The following CTPS2 variants were observed in gnomAD, a reference collection of about 807,000 sequenced individuals.
CTPS2 encodes CTP synthase 2.
Under a neutral mutation model 46.8 loss-of-function variants are expected in CTPS2, and 19 were observed. The observed-to-expected ratio is 0.41, with a 90% CI of 0.28 to 0.60. The LOEUF (loss-of-function observed/expected upper bound fraction) is 0.60. Among genes scored for constraint, CTPS2 ranks in the 20% least tolerant of loss-of-function variants. The pLI is 0.35. For missense variants in CTPS2, 286 were observed against 447.6 expected, an observed-to-expected ratio of 0.64 and a Z score of 3.26; for synonymous variants, 151 against 165.2, an observed-to-expected ratio of 0.91 and a Z score of 0.66.
chrX:16,636,825 G>A (rs1931776821), intron 14 of CTPS2, among the ~76,000 whole-genome samples: 1 of 110,802 alleles, frequency 9.0e-6, no homozygotes, highest in African/African-American at 3.3e-5. Flanking sequence ...GCTGAGGCAG[G>A]AGAATGGCGT....
intron 13 of CTPS2, among the ~76,000 whole-genome samples, chrX:16,643,562 A>G (rs1412714347): frequency 1.8e-5 from 2 of 111,560 alleles, no homozygotes; most frequent in African/African-American, 6.5e-5. Context: ...ACTGCTCATT[A>G]GGTTTTCAAG....
chrX:16,612,224 T>C (rs891647874), intron 16 of CTPS2, among the ~76,000 whole-genome samples: 1 of 112,442 alleles, frequency 8.9e-6, no homozygotes, highest in South Asian at 3.7e-4. Flanking sequence ...TCTGACATTA[T>C]ATAATATTAA....
At chrX:16,677,071 A>C (rs1170026681) in intron 10 of CTPS2, among the ~76,000 whole-genome samples, 1 of 109,033 alleles carries the variant, frequency 9.2e-6, no homozygotes, top group African/African-American at 3.3e-5. Context: ...AAAAAAAAAA[A>C]AAAAAAACAA....
chrX:16,700,945 G>A (rs776255631), intron 2 of CTPS2, among the ~76,000 whole-genome samples: 1 of 111,790 alleles, frequency 8.9e-6, no homozygotes, highest in Non-Finnish European at 1.9e-5. Context: ...TGACCAACCT[G>A]CTTGGTTTGC....
chrX:16,656,756 G>C (rs926394074), intron 13 of CTPS2, among the ~76,000 whole-genome samples: 1 of 111,619 alleles, frequency 9.0e-6, no homozygotes, highest in Non-Finnish European at 1.9e-5. Flanking sequence ...TACTGAAGGC[G>C]TTTCAAACAA....
chrX:16,645,150 C>CTTTTTTT (rs60451307), intron 13 of CTPS2, among the ~76,000 whole-genome samples: 2 of 97,921 alleles, frequency 2.0e-5, no homozygotes. Context: ...GCCCGGCTAA[C>CTTTTTTT]TTTTTTTTTT....
chrX:16,709,626 G>A (rs1384852747), intron 1 of CTPS2, among the ~76,000 whole-genome samples: 6 of 109,883 alleles, frequency 5.5e-5, no homozygotes, highest in African/African-American at 1.7e-4. Context: ...CAAGGCGGGC[G>A]GATCACAAGG....
At chrX:16,654,780 G>A (rs1602207737) in intron 13 of CTPS2, 1 of 137,690 alleles carries the variant, frequency 7.3e-6, no homozygotes, top group Non-Finnish European at 1.4e-5. Context: ...AGAGAGAGAG[G>A]GAGGCTGAGG....
chrX:16,621,199 G>A (rs1428928264), intron 14 of CTPS2, among the ~76,000 whole-genome samples: 2 of 105,972 alleles, frequency 1.9e-5, no homozygotes, highest in East Asian at 6.1e-4. Flanking sequence ...GGCGATCAAC[G>A]AGCTGCCTAG....
At chrX:16,707,934 A>T (rs1925149284) in intron 1 of CTPS2, among the ~76,000 whole-genome samples, 1 of 111,826 alleles carries the variant, frequency 8.9e-6, no homozygotes. Context: ...GTGAGCTGAG[A>T]TCACACCACT....
intron 15 of CTPS2, among the ~76,000 whole-genome samples, chrX:16,619,375 C>T (rs1362373154): frequency 1.8e-5 from 2 of 112,012 alleles, no homozygotes; most frequent in African/African-American, 6.5e-5. Flanking sequence ...TCAGCATTGC[C>T]CTGAAAAATG....
intron 17 of CTPS2, among the ~76,000 whole-genome samples, chrX:16,599,877 T>A (rs1395640718): frequency 1.9e-5 from 2 of 107,603 alleles, no homozygotes; most frequent in Non-Finnish European, 3.8e-5. Context: ...GCCTCCCAGG[T>A]TCAAGATTCT....
At chrX:16,636,118 G>C (rs1464888988) in intron 14 of CTPS2, among the ~76,000 whole-genome samples, 1 of 112,317 alleles carries the variant, frequency 8.9e-6, no homozygotes, top group African/African-American at 3.2e-5. Context: ...AAAGGAGACA[G>C]ACCAGGCATG....
rs748507222 is a variant in CTPS2, at chrX:16,617,179, C to T, written c.1517G>A (p.Gly506Glu). 8.3e-7 allele frequency: 1 copy of T among 1,209,620 alleles called. No individual in the cohort carries two copies. The highest frequency in any genetic ancestry group is 1.7e-5 in the African/African-American group (1 of 57,734). Residue 506 changes from glycine to glutamate, a missense_variant, in exon 16 of 19, where the codon GGA becomes GAA. By Grantham distance (98) the Gly-to-Glu change is moderately conservative. Coordinates refer to ENST00000359276, the MANE Select transcript of CTPS2 (RefSeq NM_175859.3). ...DLSFVGQDVDGDRMEIIELAN... is the reference protein window; with the variant it reads ...DLSFVGQDVDEDRMEIIELAN... ...CAGTTCAATGATTTCCATCCTGTCT[C>T]CATCAACATCCTGACCTACAAAACT...
intron 17 of CTPS2, among the ~76,000 whole-genome samples, chrX:16,595,203 G>A (rs1219250996): frequency 1.8e-5 from 2 of 110,715 alleles, no homozygotes; most frequent in African/African-American, 3.3e-5. Context: ...GTTTCTCACA[G>A]GGAAGAATTA....
At chrX:16,637,407 C>G (rs1201480710) in intron 14 of CTPS2, among the ~76,000 whole-genome samples, 1 of 111,052 alleles carries the variant, frequency 9.0e-6, no homozygotes, top group African/African-American at 3.3e-5. Flanking sequence ...TTTGTAGAGG[C>G]AGGGTCTCCC....
rs369770384 is a variant in CTPS2, at chrX:16,638,072, T to G, written c.1393+1075A>C. ...AGATCAAGACCATCCTGGCTAACAC[T>G]GTGAAACCCCATCTCTACTAAAAAT... is the stretch of plus-strand genomic sequence containing the variant. On this transcript the variant is annotated intron_variant, in intron 14 of 18. Coordinates refer to ENST00000359276, the MANE Select transcript of CTPS2 (RefSeq NM_175859.3). Among the ~76,000 whole-genome samples the G allele has an allele frequency of 5.8e-4, 64 of 109,673 alleles. No homozygotes were observed. In the East Asian group the frequency reaches 8.6e-3, roughly 15 times the overall value.
chrX:16,683,101 T>C lies in CTPS2; in HGVS notation c.998A>G (p.Asn333Ser). 8.3e-7 allele frequency: 1 copy of C among 1,211,551 alleles called. No homozygotes were observed. The highest frequency in any genetic ancestry group is 1.8e-5 in the South Asian group (1 of 56,996). Residue 333 changes from asparagine (N) to serine (S), a missense_variant, in exon 9 of 19, where the codon AAT becomes AGT. By Grantham distance (46) the Asn-to-Ser change is conservative (BLOSUM62 1). Coordinates refer to ENST00000359276, the MANE Select transcript of CTPS2 (RefSeq NM_175859.3). ...HSALAINHKL[N>S]LMYIDSIDLE... ...GACCAGGCCAGGACTCACCATCAGA[T>C]TCAACTTGTGGTTGATGGCCAGGGC... is the stretch of plus-strand genomic sequence containing the variant.
rs987567038 is a variant in CTPS2 at position 16,592,395 on chromosome X, G to A, written c.1692-1533C>T. ...AAAGGACTAGAGAACAGTGAACACA[G>A]CTGTGTATCCCTGATTACATTAGCG... is the stretch of plus-strand genomic sequence containing the variant. On this transcript the variant is annotated intron_variant, in intron 17 of 18. Coordinates refer to ENST00000359276, the MANE Select transcript of CTPS2 (RefSeq NM_175859.3). Among the ~76,000 whole-genome samples the A allele has an allele frequency of 4.5e-5, 5 of 112,077 alleles. No homozygotes were observed. The South Asian group carries it at 1.9e-3, about 42-fold the overall frequency.
Sources: allele counts gnomAD v4.1 joint callset (sites outside exome capture counted in the v4.1 genomes callset), GRCh38; gene constraint gnomAD v4.1.1; transcripts MANE v1.5; gene names NCBI Gene and HGNC (gene_info 2026-07-23, HGNC 2026-07-21).